ABCB1: variants seen among roughly 807,000 people sequenced by gnomAD.
The protein encoded by ABCB1 is ATP-dependent translocase ABCB1.
Under a neutral mutation model 142.0 loss-of-function variants are expected in ABCB1, and 69 were observed. The ratio of observed to expected loss-of-function variants is 0.49; its 90% CI spans 0.40 to 0.59. The LOEUF is 0.59. Ranked by LOEUF, ABCB1 falls within the 20% of genes least tolerant of loss-of-function variation. The probability of loss-of-function intolerance (pLI) is 0.00; values close to 1 mark genes in which losing one functional copy is unlikely to be tolerated. For missense variants in ABCB1, 1,326 were observed against 1,554.7 expected (o/e 0.85, Z 2.47); for synonymous variants, 532 against 539.2 (o/e 0.99, Z 0.18).
In ABCB1 at chr7:87,585,649, T is replaced by C. The variant is rs537546318; in HGVS notation, c.149A>G (p.Tyr50Cys). The stretch of plus-strand genomic sequence containing the variant: ...GGCAGCCAAAGTTCCCACCACCATA[T>C]ACAACTTGTCAAGCCAATTTGAATA... ...FRYSNWLDKL[Y>C]MVVGTLAAII... is the part of the protein sequence containing the mutation. Residue 50 changes from tyrosine to cysteine, a missense_variant, in exon 4 of 28, where the codon TAT becomes TGT. Transcript: ENST00000622132. 6 of 1,613,902 alleles carry C rather than the reference T, an allele frequency of 3.7e-6. No individual in the cohort carries two copies. The Admixed American group carries it at 6.7e-5, about 18-fold the overall frequency.
chr7:87,547,394 T>C (rs1816830021), intron 14 of ABCB1, among the ~76,000 whole-genome samples: 2 of 152,292 alleles, frequency 1.3e-5, no homozygotes, highest in South Asian at 4.1e-4. Context: ...TTTTTATTTA[T>C]AATTTAATAC....
intron 1 of ABCB1, among the ~76,000 whole-genome samples, chr7:87,691,133 CAT>C (rs1222483678): frequency 1.3e-5 from 2 of 151,942 alleles, no homozygotes; most frequent in Non-Finnish European, 2.9e-5. Flanking sequence ...GAATTAGAAA[CAT>C]ATTCAGTCTT....
intron 8 of ABCB1, among the ~76,000 whole-genome samples, chr7:87,560,442 C>T (rs1248144700): frequency 6.6e-6 from 1 of 152,148 alleles, no homozygotes; most frequent in African/African-American, 2.4e-5. Context: ...ACTGCCAGAA[C>T]CACAGAATCC....
chr7:87,625,154 G>C (rs944150496), intron 1 of ABCB1, among the ~76,000 whole-genome samples: 3 of 152,164 alleles, frequency 2.0e-5, no homozygotes, highest in Non-Finnish European at 4.4e-5. Context: ...CGACTCGGGA[G>C]GCTGAGGCAG....
At chr7:87,504,532 G>A (rs1814634906) in intron 27 of ABCB1, 83 bp from the exon 28 acceptor site, 1 of 1,554,102 alleles carries the variant, frequency 6.4e-7, no homozygotes, top group South Asian at 1.2e-5. Flanking sequence ...CAGTAGGACG[G>A]GCATGGTGGC....
At chr7:87,558,329 T>C (rs1040900232) in intron 8 of ABCB1, among the ~76,000 whole-genome samples, 2 of 152,326 alleles carry the variant, frequency 1.3e-5, no homozygotes, top group South Asian at 4.1e-4. Context: ...AAATACTATA[T>C]ATTTTCTAAT....
chr7:87,707,182 A>G (rs1000452708), intron 1 of ABCB1, among the ~76,000 whole-genome samples: 6 of 152,186 alleles, frequency 3.9e-5, no homozygotes, highest in African/African-American at 1.4e-4. Context: ...AATGTCTAGT[A>G]TACAGTAAAA....
intron 1 of ABCB1, among the ~76,000 whole-genome samples, chr7:87,661,277 C>A (rs1190768506): frequency 6.6e-6 from 1 of 151,756 alleles, no homozygotes; most frequent in African/African-American, 2.4e-5. Flanking sequence ...CAATTATACT[C>A]TTTTAGTTAT....
At chr7:87,563,205 T>A (rs115895266) in intron 7 of ABCB1, among the ~76,000 whole-genome samples, 8 of 152,320 alleles carry the variant, frequency 5.3e-5, no homozygotes, top group South Asian at 2.1e-4. Context: ...CAGGACCAGA[T>A]GAATTCATGG....
chr7:87,673,568 G>T (rs1375442685), intron 1 of ABCB1, among the ~76,000 whole-genome samples: 1 of 152,154 alleles, frequency 6.6e-6, no homozygotes, highest in Non-Finnish European at 1.5e-5. Context: ...AGATCAGTTT[G>T]CTTCTTTCTT....
chr7:87,556,257 T>C (rs566878237), intron 8 of ABCB1, among the ~76,000 whole-genome samples: 2 of 152,332 alleles, frequency 1.3e-5, no homozygotes, highest in African/African-American at 4.8e-5. Context: ...GTAACTACTT[T>C]AAGAATAAGG....
chr7:87,629,052 G>GC (rs1230882880), intron 1 of ABCB1: 2 of 1,084,604 alleles, frequency 1.8e-6, no homozygotes, highest in Non-Finnish European at 2.4e-6. Context: ...GCCGCCCAGT[G>GC]CCCCCGCCTA....
At chr7:87,678,774 T>C (rs537113644) in intron 1 of ABCB1, among the ~76,000 whole-genome samples, 54 of 151,588 alleles carry the variant, frequency 3.6e-4, no homozygotes, top group African/African-American at 1.3e-3. Context: ...AAAGTTGGAG[T>C]AGATTTAATT....
At chr7:87,657,164 G>A (rs1034931249) in intron 1 of ABCB1, among the ~76,000 whole-genome samples, 1 of 152,092 alleles carries the variant, frequency 6.6e-6, no homozygotes, top group African/African-American at 2.4e-5. Flanking sequence ...ACTGGTTAAG[G>A]ACACTAGAAC....
intron 14 of ABCB1, among the ~76,000 whole-genome samples, chr7:87,547,923 G>T (rs1288099020): frequency 6.6e-6 from 1 of 150,766 alleles, no homozygotes; most frequent in Non-Finnish European, 1.5e-5. Context: ...TGAGGCTGAG[G>T]TGGGAGGATC....
chr7:87,565,565 G>A, intron 7 of ABCB1: 1 of 398,516 alleles, frequency 2.5e-6, no homozygotes, highest in Non-Finnish European at 5.0e-6. Flanking sequence ...AAATTTAACT[G>A]TGTTTGAATG....
chr7:87,549,652 C>T, intron 13 of ABCB1, 134 bp from the exon 14 acceptor site: 1 of 1,445,264 alleles, frequency 6.9e-7, no homozygotes, highest in Middle Eastern at 1.8e-4. Context: ...TCTTATTTAA[C>T]ACAATAACCA....
intron 3 of ABCB1, among the ~76,000 whole-genome samples, chr7:87,588,144 A>G (rs536891867): frequency 1.0e-4 from 14 of 138,084 alleles, no homozygotes; most frequent in African/African-American, 1.8e-4. Flanking sequence ...TCAGAACCTC[A>G]TATTTCCTTT....
intron 3 of ABCB1, among the ~76,000 whole-genome samples, chr7:87,589,618 T>C (rs749584172): frequency 2.6e-5 from 4 of 152,004 alleles, no homozygotes; most frequent in South Asian, 2.1e-4. Flanking sequence ...ACCCTCTCTC[T>C]ACAAAAAAAT....
Sources: allele counts gnomAD v4.1 joint callset (sites outside exome capture counted in the v4.1 genomes callset), GRCh38; gene constraint gnomAD v4.1.1; transcripts MANE v1.5; gene names NCBI Gene and HGNC (gene_info 2026-07-23, HGNC 2026-07-21).